The following DIAPH1 variants were observed in gnomAD, a reference collection of about 807,000 sequenced individuals.
The protein encoded by DIAPH1 is protein diaphanous homolog 1.
Under a neutral mutation model 140.7 loss-of-function variants are expected in DIAPH1, and 46 were observed. The ratio of observed to expected loss-of-function variants is 0.33; its 90% CI spans 0.26 to 0.42. The LOEUF is 0.42. Ranked by LOEUF, DIAPH1 falls within the 10% of genes least tolerant of loss-of-function variation. The probability of loss-of-function intolerance (pLI) is 1.00; values close to 1 mark genes in which losing one functional copy is unlikely to be tolerated. For synonymous variants in DIAPH1, 565 were observed against 551.6 expected (o/e 1.02, Z -0.34); for missense variants, 1,310 against 1,558.7 (o/e 0.84, Z 2.69).
At chr5:141,568,450 T>C (rs772845037) in intron 18 of DIAPH1, among the ~76,000 whole-genome samples, 9 of 152,156 alleles carry the variant, frequency 5.9e-5, no homozygotes, top group African/African-American at 7.2e-5. Context: ...CAAAATATTC[T>C]CTGGCAGGGA....
chr5:141,611,597 CAAAA>C (rs1401194907), intron 1 of DIAPH1, among the ~76,000 whole-genome samples: 1 of 151,352 alleles, frequency 6.6e-6, no homozygotes, highest in African/African-American at 2.4e-5. Flanking sequence ...GTCAGACAGA[CAAAA>C]GAAAGACAAA....
At chr5:141,608,532 A>C (rs2154597273) in intron 1 of DIAPH1, among the ~76,000 whole-genome samples, 1 of 152,346 alleles carries the variant, frequency 6.6e-6, no homozygotes, top group African/African-American at 2.4e-5. Context: ...TTAAAGAGCA[A>C]GAACTGAACC....
intron 26 of DIAPH1, among the ~76,000 whole-genome samples, chr5:141,525,106 T>C (rs2099887120): frequency 1.3e-5 from 2 of 152,184 alleles, no homozygotes; most frequent in African/African-American, 4.8e-5. Flanking sequence ...AGGTGAAGGA[T>C]ACTTGGTGTG....
chr5:141,528,126 G>A (rs1254647493), intron 23 of DIAPH1, among the ~76,000 whole-genome samples: 1 of 152,148 alleles, frequency 6.6e-6, no homozygotes, highest in Non-Finnish European at 1.5e-5. Context: ...TCTAGTTCCA[G>A]GACAGTGAGG....
At chr5:141,614,603 T>C (rs939359613) in intron 1 of DIAPH1, among the ~76,000 whole-genome samples, 7 of 152,200 alleles carry the variant, frequency 4.6e-5, no homozygotes, top group South Asian at 2.1e-4. Context: ...TTCTAAGGCA[T>C]TCCCTCACTT....
chr5:141,571,960 G>A lies in DIAPH1; in HGVS notation c.2439C>T (p.Ala813=). 2.5e-6 allele frequency: 4 copies of A among 1,614,116 alleles called. No homozygotes were observed. Among genetic ancestry groups the A allele is most frequent in the Non-Finnish European group, 3.4e-6 (4 of 1,179,988 alleles). ...GGGCAGAGAAGGTAAGGGTAAGTTT[G>A]GCGAAAAGTTCATTGTTCTCAAAGC... The part of the protein sequence containing the change: ...EDRFENNELF[A]KLTLTFSAQT... The change falls in exon 17 of 28, where the codon GCC becomes GCT. Residue 813 remains alanine, a synonymous_variant. Transcript: ENST00000389054.
chr5:141,529,304 G>C (rs776278375), intron 20 of DIAPH1, 31 bp from the exon 21 acceptor site: 3 of 1,569,016 alleles, frequency 1.9e-6, no homozygotes, highest in Non-Finnish European at 1.8e-6. Flanking sequence ...CTCAGCTGGA[G>C]GGGAATTCGC....
chr5:141,562,074 A>G (rs918206854), intron 18 of DIAPH1, among the ~76,000 whole-genome samples: 4 of 152,222 alleles, frequency 2.6e-5, no homozygotes, highest in Non-Finnish European at 2.9e-5. Context: ...AAGCTCTAGC[A>G]TAAGTTGCCA....
In DIAPH1 at chr5:141,527,699, T is replaced by TGAA; in HGVS notation, c.3149-3_3149-2insTTC. The TGAA allele has an allele frequency of 1.8e-6, 2 of 1,130,080 alleles. No homozygotes were observed. Among genetic ancestry groups the TGAA allele is most frequent in the Non-Finnish European group, 2.2e-6 (2 of 891,156 alleles). 70.0% of individuals were successfully genotyped at this position (1,130,080 alleles called of 1,614,324 possible). On this transcript the variant is annotated splice_polypyrimidine_tract_variant and splice_region_variant and intron_variant, in intron 23 of 27. Transcript: ENST00000389054. ...TCTTTTGCAAGTTTTCAGCAGAAAC[T>TGAA]AAAAAAAAAAAAAAAAAAAAAAACC...
intron 1 of DIAPH1, among the ~76,000 whole-genome samples, chr5:141,598,318 T>C (rs74903232): frequency 0.071 from 10,771 of 152,290 alleles, 508 homozygotes; most frequent in South Asian, 0.12. Context: ...TAGAATTAGA[T>C]GACTAGATAA....
intron 1 of DIAPH1, among the ~76,000 whole-genome samples, chr5:141,588,540 T>C (rs2099897891): frequency 1.3e-5 from 2 of 151,430 alleles, no homozygotes. Context: ...CCGATACACT[T>C]ATAAGATATG....
chr5:141,563,304 G>A (rs2099893875), intron 18 of DIAPH1: 1 of 152,186 alleles, frequency 6.6e-6, no homozygotes, highest in Non-Finnish European at 1.5e-5. Context: ...CAAGTCAACA[G>A]AAAATGTTGA....
At chr5:141,559,897 A>G (rs2099893252) in intron 18 of DIAPH1, among the ~76,000 whole-genome samples, 1 of 152,226 alleles carries the variant, frequency 6.6e-6, no homozygotes, top group Non-Finnish European at 1.5e-5. Context: ...GGGAAAAATT[A>G]AACATTCAAA....
intron 1 of DIAPH1, among the ~76,000 whole-genome samples, chr5:141,613,993 G>C (rs2099902253): frequency 6.6e-6 from 1 of 152,220 alleles, no homozygotes; most frequent in African/African-American, 2.4e-5. Context: ...GGCAAGGGGA[G>C]AGTGTGGCTT....
At chr5:141,562,606 C>CAAAAAAAAAAAAAAAA (rs754741971) in intron 18 of DIAPH1, among the ~76,000 whole-genome samples, 5 of 76,826 alleles carry the variant, frequency 6.5e-5, no homozygotes, top group Admixed American at 1.5e-4. Context: ...CTTACCTATG[C>CAAAAAAAAAAAAAAAA]AAAAAAAAAA....
chr5:141,527,775 T>C, intron 23 of DIAPH1, 78 bp from the exon 24 acceptor site: 1 of 1,464,788 alleles, frequency 6.8e-7, no homozygotes, highest in Non-Finnish European at 9.1e-7. Context: ...CAACACCCCT[T>C]AGTTTCACCT....
rs540635272 is a variant in DIAPH1, at chr5:141,529,048, A to G, written c.2779-107T>C. The G allele has an allele frequency of 2.2e-5, 35 of 1,585,102 alleles. No individual in the cohort carries two copies. In the Middle Eastern group the frequency reaches 7.0e-4, roughly 32 times the overall value. On this transcript the variant is annotated intron_variant, in intron 21 of 27. Transcript: ENST00000389054. The stretch of plus-strand genomic sequence containing the variant: ...AGGATCACAGCTCCAGAGCAGGGAG[A>G]AGAGAGAGATTAAGACAGGTTCAAA...
Position 141,587,502 on chromosome 5 carries a change from C to T in DIAPH1, c.145-305G>A, listed in dbSNP as rs575084475. On this transcript the variant is annotated intron_variant, in intron 2 of 27. Transcript: ENST00000389054. ...GCCATTTCTAAGCCTTGTAGTAGTACGGAACTGAAAGCCTCTCATGACAGA... is the reference window on the plus strand; with the variant it reads ...GCCATTTCTAAGCCTTGTAGTAGTATGGAACTGAAAGCCTCTCATGACAGA... 1.9e-4 allele frequency: 73 copies of T among 389,116 alleles called. 1 individual carries two copies. Among genetic ancestry groups the T allele is most frequent in the African/African-American group, 1.3e-3 (62 of 49,068 alleles). The allele number at this position is 389,116 out of a possible 1,614,324, so 24.1% of individuals were successfully genotyped here.
Position 141,582,342 on chromosome 5 carries a change from A to C in DIAPH1, c.654T>G (p.Ile218Met). 1 of 1,614,058 alleles carries C rather than the reference A, an allele frequency of 6.2e-7. No homozygotes were observed. The highest frequency in any genetic ancestry group is 8.5e-7 in the Non-Finnish European group (1 of 1,179,930). ...TGTTCATAAAAGCTTTCAAGCAGCG[A>C]ATGATCTCATGCTTGTTCCGGCTAT... is the stretch of plus-strand genomic sequence containing the variant. ...SYDSRNKHEIIRCLKAFMNNK... is the reference protein window; with the variant it reads ...SYDSRNKHEIMRCLKAFMNNK... The change falls in exon 7 of 28, where the codon ATT becomes ATG. Residue 218 changes from isoleucine to methionine, a missense_variant. By Grantham distance (10) the Ile-to-Met change is conservative. This residue lies in a region of DIAPH1 where 377 missense variants were observed against 497.1 expected (regional missense o/e 0.76). Coordinates refer to ENST00000389054, the MANE Select transcript of DIAPH1 (RefSeq NM_005219.5).
Sources: gnomAD v4.1 joint callset for allele counts (sites outside exome capture counted in the v4.1 genomes callset) on GRCh38, gnomAD v4.1.1 for gene constraint, gnomAD v4.1.1 regional missense constraint, MANE v1.5 for transcripts, NCBI Gene and HGNC (gene_info 2026-07-23, HGNC 2026-07-21) for gene names.